The following AGBL1 variants were observed in gnomAD, a reference collection of about 807,000 sequenced individuals.
AGBL1 encodes the protein cytosolic carboxypeptidase 4.
In AGBL1, 130 loss-of-function variants were observed where a neutral mutation model predicts 118.9. The ratio of observed to expected loss-of-function variants is 1.09; its 90% CI spans 0.95 to 1.26. AGBL1 has a LOEUF of 1.26. Among genes scored for constraint, AGBL1 ranks in the 50% most tolerant of loss-of-function variants. The pLI, the probability that AGBL1 is intolerant of heterozygous loss-of-function variation, is 0.00. For synonymous variants in AGBL1, 555 were observed against 478.9 expected (o/e 1.16, Z -2.08); for missense variants, 1,584 against 1,298.1 (o/e 1.22, Z -3.38).
intron 5 of AGBL1, among the ~76,000 whole-genome samples, chr15:86,222,477 T>G (rs1207090540): frequency 6.6e-6 from 1 of 152,090 alleles, no homozygotes; most frequent in Non-Finnish European, 1.5e-5. Context: ...CTCGTTAATT[T>G]TTTGCTCACA....
chr15:86,659,778 A>G (rs1015660905), intron 21 of AGBL1, among the ~76,000 whole-genome samples: 1 of 152,192 alleles, frequency 6.6e-6, no homozygotes, highest in African/African-American at 2.4e-5. Flanking sequence ...TCATCATTTG[A>G]ACTGAACAAA....
chr15:86,187,317 C>T (rs567712350), intron 5 of AGBL1, among the ~76,000 whole-genome samples: 1 of 152,286 alleles, frequency 6.6e-6, no homozygotes, highest in African/African-American at 2.4e-5. Flanking sequence ...CAAAATACAA[C>T]ACAGATAAGA....
intron 22 of AGBL1, among the ~76,000 whole-genome samples, chr15:86,836,722 A>G (rs747450692): frequency 2.0e-5 from 3 of 151,938 alleles, no homozygotes; most frequent in South Asian, 2.1e-4. Flanking sequence ...CACATGTTCC[A>G]GTCATACTAG....
At chr15:86,788,641 G>A (rs142578852) in intron 22 of AGBL1, among the ~76,000 whole-genome samples, 111 of 152,138 alleles carry the variant, frequency 7.3e-4, no homozygotes, top group African/African-American at 2.5e-3. Flanking sequence ...ACAAAATCAC[G>A]GCCATAAATT....
At chr15:86,603,686 G>C (rs1383354412) in intron 21 of AGBL1, among the ~76,000 whole-genome samples, 1 of 152,124 alleles carries the variant, frequency 6.6e-6, no homozygotes, top group Non-Finnish European at 1.5e-5. Context: ...CCTCCATCTG[G>C]AAGAGAAGAG....
rs575803357 is a variant in AGBL1, at chr15:86,650,711, C to T, written c.2995-23562C>T. On this transcript the variant is annotated intron_variant, in intron 21 of 22. Coordinates refer to ENST00000614907, the MANE Select transcript of AGBL1 (RefSeq NM_001386094.1). ...CTGTAAAGTACATATTTGTGATCCT[C>T]CAGCAACTGTCCTTGAATCACATAC... Among the ~76,000 whole-genome samples, 3 of 152,194 alleles carry T rather than the reference C, an allele frequency of 2.0e-5. No homozygotes were observed. The South Asian group carries it at 6.2e-4, about 32-fold the overall frequency.
chr15:86,158,305 A>T (rs1180684734), intron 4 of AGBL1, among the ~76,000 whole-genome samples: 10 of 152,218 alleles, frequency 6.6e-5, no homozygotes, highest in Non-Finnish European at 8.8e-5. Flanking sequence ...AGTATCATCC[A>T]CCCTTGTTTC....
chr15:86,378,165 A>G (rs2081065044), intron 17 of AGBL1, among the ~76,000 whole-genome samples: 1 of 152,188 alleles, frequency 6.6e-6, no homozygotes, highest in Non-Finnish European at 1.5e-5. Flanking sequence ...GCAAAGAAAG[A>G]GTGGGGCAAA....
At chr15:86,166,554 A>AG (rs945885547) in intron 5 of AGBL1, among the ~76,000 whole-genome samples, 1 of 152,118 alleles carries the variant, frequency 6.6e-6, no homozygotes, top group Non-Finnish European at 1.5e-5. Context: ...AGTGCCATCC[A>AG]GGGGGGCTCT....
intron 1 of AGBL1, among the ~76,000 whole-genome samples, chr15:86,097,832 C>T (rs978561802): frequency 2.0e-5 from 3 of 152,064 alleles, no homozygotes; most frequent in Admixed American, 1.3e-4. Flanking sequence ...TGGATAAATA[C>T]TCAGTGGTAG....
At chr15:86,748,326 G>A (rs1177555923) in intron 22 of AGBL1, among the ~76,000 whole-genome samples, 1 of 151,892 alleles carries the variant, frequency 6.6e-6, no homozygotes, top group Non-Finnish European at 1.5e-5. Context: ...TGATGGGGTT[G>A]TTTGTTTTTT....
At chr15:86,827,788 C>G (rs1354573619) in intron 22 of AGBL1, among the ~76,000 whole-genome samples, 2 of 149,244 alleles carry the variant, frequency 1.3e-5, no homozygotes, top group Non-Finnish European at 1.5e-5. Context: ...TTTCTCCCAT[C>G]AATATGTCTA....
At chr15:86,314,827 G>A (rs901983598) in intron 17 of AGBL1, among the ~76,000 whole-genome samples, 2 of 152,116 alleles carry the variant, frequency 1.3e-5, no homozygotes, top group African/African-American at 2.4e-5. Flanking sequence ...TCCATAAAAA[G>A]CCATGTTTTC....
intron 1 of AGBL1, among the ~76,000 whole-genome samples, chr15:86,122,877 C>T (rs772308481): frequency 2.0e-5 from 3 of 152,148 alleles, no homozygotes; most frequent in Non-Finnish European, 2.9e-5. Context: ...CCAGCATTAA[C>T]ATTAAAACAG....
At chr15:86,827,354 T>C (rs78619777) in intron 22 of AGBL1, among the ~76,000 whole-genome samples, 146 of 8,988 alleles carry the variant, frequency 0.016, 22 homozygotes, top group Middle Eastern at 0.091. Flanking sequence ...TATATATATA[T>C]ATATATATGT....
chr15:86,265,383 A>T (rs892737875), intron 11 of AGBL1, among the ~76,000 whole-genome samples: 14 of 152,186 alleles, frequency 9.2e-5, no homozygotes, highest in Admixed American at 1.3e-4. Flanking sequence ...CAGGGAAGAA[A>T]CACTGGTTGA....
chr15:86,815,087 T>A (rs537212495), intron 22 of AGBL1, among the ~76,000 whole-genome samples: 20 of 152,264 alleles, frequency 1.3e-4, no homozygotes, highest in African/African-American at 3.9e-4. Context: ...TGGGAAAGCA[T>A]AATATAATAT....
At chr15:86,098,694 C>T (rs1896531727) in intron 1 of AGBL1, among the ~76,000 whole-genome samples, 1 of 152,038 alleles carries the variant, frequency 6.6e-6, no homozygotes, top group Admixed American at 6.6e-5. Flanking sequence ...GTACAAATAC[C>T]ATGCTGTTTT....
At chr15:86,147,327 G>T (rs1225848043) in intron 3 of AGBL1, among the ~76,000 whole-genome samples, 3 of 152,216 alleles carry the variant, frequency 2.0e-5, no homozygotes, top group African/African-American at 7.2e-5. Flanking sequence ...CACCTGAGAA[G>T]AACAAGAGGT....
Sources: allele counts gnomAD v4.1 joint callset (sites outside exome capture counted in the v4.1 genomes callset), GRCh38; gene constraint gnomAD v4.1.1; transcripts MANE v1.5; gene names NCBI Gene and HGNC (gene_info 2026-07-23, HGNC 2026-07-21).